FHAD1: variants seen among roughly 807,000 people sequenced by gnomAD.
FHAD1 encodes the protein forkhead associated phosphopeptide binding domain 1.
In FHAD1, 146 loss-of-function variants were observed where a neutral mutation model predicts 191.3. The ratio of observed to expected loss-of-function variants is 0.76; its 90% CI spans 0.67 to 0.88. FHAD1 has a LOEUF of 0.88. Ranked by LOEUF, FHAD1 falls within the 40% of genes least tolerant of loss-of-function variation. The pLI, the probability that FHAD1 is intolerant of heterozygous loss-of-function variation, is 0.00. For missense variants in FHAD1, 1,635 were observed against 1,785.8 expected (o/e 0.92, Z 1.52); for synonymous variants, 616 against 672.3 (o/e 0.92, Z 1.29).
intron 21 of FHAD1, among the ~76,000 whole-genome samples, chr1:15,360,037 C>A (rs747159647): frequency 6.6e-6 from 1 of 152,132 alleles, no homozygotes; most frequent in Non-Finnish European, 1.5e-5. Context: ...CGCTTGAACC[C>A]AGGAGGCAGA....
intron 2 of FHAD1, among the ~76,000 whole-genome samples, chr1:15,268,881 A>G: frequency 6.6e-6 from 1 of 151,200 alleles, no homozygotes; most frequent in African/African-American, 2.4e-5. Flanking sequence ...AGTTCATTGT[A>G]GATTCTGGAT....
Position 15,369,450 on chromosome 1 carries a change from C to T in FHAD1, c.3395C>T (p.Thr1132Ile), listed in dbSNP as rs375895904. 170 of 1,551,786 alleles carry T rather than the reference C, an allele frequency of 1.1e-4. 2 individuals are homozygous for T. In the East Asian group the frequency reaches 3.1e-3, roughly 29 times the overall value. ...CGGAAGAAGACCCAGACGTGTGACA[C>T]CTCTGTGCAGATAGAACCCGTCCAC... ...KPRKKTQTCD[T>I]SVQIEPVHTE... The change falls in exon 26 of 34, where the codon ACC becomes ATC. Residue 1132 changes from threonine (T) to isoleucine (I), a missense_variant. Coordinates refer to ENST00000688493, the MANE Select transcript of FHAD1 (RefSeq NM_001391957.1).
At chr1:15,334,129 A>G (rs1029009201) in intron 14 of FHAD1, 1 of 152,054 alleles carries the variant, frequency 6.6e-6, no homozygotes, top group Non-Finnish European at 1.5e-5. Flanking sequence ...CCCAGCCTTC[A>G]TTTGAAAAGT....
rs186350869 is a variant in FHAD1, at chr1:15,301,487, C to T, written c.915+46C>T. The T allele has an allele frequency of 1.2e-3, 1,767 of 1,524,070 alleles. 12 individuals are homozygous for T. Among genetic ancestry groups the T allele is most frequent in the Middle Eastern group, 4.6e-3 (23 of 5,022 alleles). 94.4% of individuals were successfully genotyped at this position (1,524,070 alleles called of 1,614,324 possible). On this transcript the variant is annotated intron_variant, in intron 6 of 33. Transcript: ENST00000688493. ...ACAGCACAGCTCTCAGGCCAAGGCC[C>T]GGGAGGCCCCAGGACCACCAACCAA...
intron 7 of FHAD1, among the ~76,000 whole-genome samples, chr1:15,309,861 T>C (rs993281431): frequency 2.0e-5 from 3 of 152,074 alleles, no homozygotes; most frequent in Non-Finnish European, 4.4e-5. Context: ...GGGAACGGTA[T>C]GCTGGGCAGA....
At chr1:15,294,108 CG>C in intron 4 of FHAD1, among the ~76,000 whole-genome samples, 1 of 152,272 alleles carries the variant, frequency 6.6e-6, no homozygotes, top group East Asian at 1.9e-4. Flanking sequence ...GTGTCAGACC[CG>C]GGCCTCTCTG....
rs114549551 is a variant in FHAD1, at chr1:15,340,619, T to C, written c.1977+1068T>C. On this transcript the variant is annotated intron_variant, in intron 15 of 33. Coordinates refer to ENST00000688493, the MANE Select transcript of FHAD1 (RefSeq NM_001391957.1). ...GCCAGAACAAGTCACATGGCTGAGT[T>C]CAGTGTCTGGAGGCAAAATATGGGC... 2.2e-3 allele frequency among the ~76,000 whole-genome samples: 331 copies of C among 152,282 alleles called. 1 individual carries two copies. Among genetic ancestry groups the C allele is most frequent in the Non-Finnish European group, 3.5e-3 (240 of 68,038 alleles).
rs555107053 is a variant in FHAD1 at position 15,397,771 on chromosome 1, A to G, written c.*358A>G. 6.4e-6 allele frequency: 1 copy of G among 157,278 alleles called. No homozygotes were observed. The highest frequency in any genetic ancestry group is 1.4e-5 in the Non-Finnish European group (1 of 71,460). 9.7% of individuals were successfully genotyped at this position (157,278 alleles called of 1,614,324 possible). On this transcript the variant is annotated 3_prime_UTR_variant, in exon 34 of 34. Transcript: ENST00000688493. ...AGACTCACACTTGAGAAAACCTAAGACTTGTACTGGAGCCTCAGGGCAGAA... is the reference window on the plus strand; with the variant it reads ...AGACTCACACTTGAGAAAACCTAAGGCTTGTACTGGAGCCTCAGGGCAGAA...
chr1:15,378,508 T>C (rs1430278473), intron 28 of FHAD1, among the ~76,000 whole-genome samples: 1 of 152,170 alleles, frequency 6.6e-6, no homozygotes, highest in South Asian at 2.1e-4. Context: ...TCCTGCAAGC[T>C]GCAGGAAAAG....
intron 23 of FHAD1, among the ~76,000 whole-genome samples, chr1:15,363,340 C>G (rs528584988): frequency 2.0e-5 from 3 of 152,208 alleles, no homozygotes; most frequent in Admixed American, 6.5e-5. Flanking sequence ...GTGACCCAAT[C>G]GCTTTATAAA....
intron 33 of FHAD1, among the ~76,000 whole-genome samples, chr1:15,394,021 G>T (rs1705107133): frequency 6.6e-6 from 1 of 152,078 alleles, no homozygotes; most frequent in Non-Finnish European, 1.5e-5. Flanking sequence ...AGGATGGCCT[G>T]AGTTCATTCA....
chr1:15,362,438 C>A (rs1315963906), intron 22 of FHAD1, among the ~76,000 whole-genome samples: 1 of 152,234 alleles, frequency 6.6e-6, no homozygotes, highest in Non-Finnish European at 1.5e-5. Context: ...TGGCCCCTGC[C>A]TTCTAGAGTA....
downstream of FHAD1, among the ~76,000 whole-genome samples, chr1:15,398,430 T>C (rs991965921): frequency 6.6e-6 from 1 of 152,124 alleles, no homozygotes; most frequent in African/African-American, 2.4e-5. Context: ...AGGTAAATAG[T>C]ATTAGATTCC....
chr1:15,319,133 A>G (rs1012227239), intron 10 of FHAD1, among the ~76,000 whole-genome samples: 1 of 152,192 alleles, frequency 6.6e-6, no homozygotes, highest in East Asian at 1.9e-4. Flanking sequence ...CCCAACCACA[A>G]CTGAGAATAT....
intron 6 of FHAD1, among the ~76,000 whole-genome samples, chr1:15,304,966 G>A (rs373044829): frequency 1.3e-5 from 2 of 152,094 alleles, no homozygotes; most frequent in East Asian, 3.9e-4. Context: ...GGTCCCCCCC[G>A]ACTCCCACCC....
Position 15,328,335 on chromosome 1 carries a change from G to A in FHAD1, c.1616G>A (p.Trp539Ter), listed in dbSNP as rs778193328. ...EDNINFQQKK[W>*]TLQKETQLSN... ...AACATCAATTTTCAGCAGAAAAAGT[G>A]GACCCTCCAGAAAGAGACCCAGCTG... Residue 539 changes from tryptophan (W) to a stop codon, truncating the protein, a stop_gained, in exon 13 of 34, where the codon TGG becomes TAG. Transcript: ENST00000688493. LOFTEE classifies it high-confidence loss of function. 3.2e-6 allele frequency: 5 copies of A among 1,545,630 alleles called. No individual in the cohort carries two copies. Among genetic ancestry groups the A allele is most frequent in the South Asian group, 1.2e-5 (1 of 83,648 alleles).
At chr1:15,257,082 C>T (rs913855039) in intron 2 of FHAD1, among the ~76,000 whole-genome samples, 5 of 152,260 alleles carry the variant, frequency 3.3e-5, no homozygotes, top group Admixed American at 2.6e-4. Context: ...GAGCCTGCAT[C>T]AAAGTCTTTT....
intron 14 of FHAD1, among the ~76,000 whole-genome samples, chr1:15,331,358 AGATG>A: frequency 6.6e-6 from 1 of 150,816 alleles, no homozygotes; most frequent in South Asian, 2.1e-4. Context: ...AAGGAAGTGC[AGATG>A]GATGGATGGA....
At chr1:15,328,571 A>G (rs1679862193) in intron 13 of FHAD1, 142 bp downstream of exon 13, 3 of 715,200 alleles carry the variant, frequency 4.2e-6, no homozygotes, top group South Asian at 4.2e-5. Flanking sequence ...TGTTGGAGAA[A>G]CTTGTTGGAG....
Sources: gnomAD v4.1 joint callset for allele counts (sites outside exome capture counted in the v4.1 genomes callset) on GRCh38, gnomAD v4.1.1 for gene constraint, MANE v1.5 for transcripts, NCBI Gene and HGNC (gene_info 2026-07-23, HGNC 2026-07-21) for gene names.